Variants in AP1S1 observed in about 807,000 individuals in gnomAD.
AP1S1 encodes AP-1 complex subunit sigma-1A.
A neutral mutation model predicts 23.9 loss-of-function variants in AP1S1; 13 were observed. The ratio of observed to expected loss-of-function variants is 0.54; its 90% CI spans 0.35 to 0.86. AP1S1 has a LOEUF of 0.86. AP1S1 is among the 40% of genes least tolerant of loss of function. AP1S1 has a pLI of 0.01. For synonymous variants in AP1S1, 84 were observed against 77.7 expected (o/e 1.08, Z -0.43); for missense variants, 119 against 197.6 (o/e 0.60, Z 2.38).
intron 1 of AP1S1, 133 bp downstream of exon 1, chr7:101,154,650 C>G: frequency 1.2e-6 from 1 of 850,774 alleles, no homozygotes; most frequent in Non-Finnish European, 1.4e-6. Context: ...CTTGCCTCGG[C>G]GGGTGGGCGA....
At chr7:101,154,673 A>T in intron 1 of AP1S1, 156 bp downstream of exon 1, 3 of 429,434 alleles carry the variant, frequency 7.0e-6, no homozygotes, top group Non-Finnish European at 9.1e-6. Context: ...CGGGCTCGGG[A>T]GGAAGAGGGG....
intron 3 of AP1S1, 25 bp from the exon 4 acceptor site, chr7:101,159,034 A>C (rs767420905): frequency 6.2e-7 from 1 of 1,611,238 alleles, no homozygotes; most frequent in South Asian, 1.1e-5. Flanking sequence ...TCCATGCTCA[A>C]CTTAGCCTCT....
chr7:101,156,926 T>C (rs78112217), intron 2 of AP1S1, among the ~76,000 whole-genome samples, 154 bp downstream of exon 2: 1 of 151,730 alleles, frequency 6.6e-6, no homozygotes, highest in Non-Finnish European at 1.5e-5. Flanking sequence ...TTTTTTTTTT[T>C]TTTCTCCCCA....
In AP1S1 at chr7:101,160,611, CG is replaced by C. The variant is rs1562865715; in HGVS notation, c.*48del. ...TGGCGATGGGGTCCTGGCAGCGTGG[CG>C]GGAACGGCTGCTTCTCCTCTGCCCA... On this transcript the variant is annotated 3_prime_UTR_variant, in exon 5 of 5. Coordinates refer to ENST00000337619, the MANE Select transcript of AP1S1 (RefSeq NM_001283.5). 15 of 1,598,718 alleles carry C rather than the reference CG, an allele frequency of 9.4e-6. No individual in the cohort carries two copies. The highest frequency in any genetic ancestry group is 1.3e-5 in the African/African-American group (1 of 74,580).
In AP1S1 at chr7:101,160,592, T is replaced by G; in HGVS notation, c.*26T>G. ...CCCCTGCTGGGCCGGGGTGTGGCGA[T>G]GGGGTCCTGGCAGCGTGGCGGGAAC... is the stretch of plus-strand genomic sequence containing the variant. On this transcript the variant is annotated 3_prime_UTR_variant, in exon 5 of 5. Transcript: ENST00000337619. 1 of 1,609,360 alleles carries G rather than the reference T, an allele frequency of 6.2e-7. No homozygotes were observed. The highest frequency in any genetic ancestry group is 8.5e-7 in the Non-Finnish European group (1 of 1,179,574).
intron 2 of AP1S1, among the ~76,000 whole-genome samples, chr7:101,157,110 T>C (rs1275429952): frequency 6.6e-6 from 1 of 152,124 alleles, no homozygotes; most frequent in Non-Finnish European, 1.5e-5. Flanking sequence ...CGGTTCCTTC[T>C]CCTCGGAGCA....
intron 1 of AP1S1, 194 bp downstream of exon 1, chr7:101,154,711 A>G (rs938286892): frequency 1.7e-4 from 6 of 34,308 alleles, no homozygotes; most frequent in South Asian, 1.0e-3. Context: ...AGGGGCGGGG[A>G]GGGGGCGCAT....
Position 101,157,416 on chromosome 7 carries a change from A to G in AP1S1, c.222A>G (p.Gln74=), listed in dbSNP as rs1196362621. 1.9e-6 allele frequency: 3 copies of G among 1,582,856 alleles called. No individual in the cohort carries two copies. Among genetic ancestry groups the G allele is most frequent in the African/African-American group, 2.7e-5 (2 of 74,186 alleles). Reference sequence around the variant, plus strand: ...ACTTCTGCTGCGCCATCGAGGGCCAAGACAATGAGCTCATCACACTGGAGC... The same window carrying G: ...ACTTCTGCTGCGCCATCGAGGGCCAGGACAATGAGCTCATCACACTGGAGC... ...SLYFCCAIEG[Q]DNELITLELI... The change falls in exon 3 of 5, where the codon CAA becomes CAG. Residue 74 remains glutamine (Q), a synonymous_variant. Transcript: ENST00000337619.
At chr7:101,157,533 G>T in intron 3 of AP1S1, 48 bp downstream of exon 3, 1 of 1,461,110 alleles carries the variant, frequency 6.8e-7, no homozygotes, top group Non-Finnish European at 9.4e-7. Context: ...ATCCCCTTTG[G>T]TAATCCACCA....
intron 3 of AP1S1, among the ~76,000 whole-genome samples, chr7:101,158,731 A>G (rs1037720852): frequency 1.3e-5 from 2 of 152,060 alleles, no homozygotes; most frequent in Admixed American, 6.6e-5. Flanking sequence ...GCAAGACCCT[A>G]TCTCTACAAA....
At chr7:101,154,726 A>G (rs1464411776) in intron 1 of AP1S1, 4 of 63,630 alleles carry the variant, frequency 6.3e-5, no homozygotes, top group Non-Finnish European at 8.5e-5. Flanking sequence ...GCGCATTTGC[A>G]GGGCGAGCGG....
Position 101,161,169 on chromosome 7 carries a change from T to C in AP1S1, c.*603T>C. 1 of 218,292 alleles carries C rather than the reference T, an allele frequency of 4.6e-6. No homozygotes were observed. The highest frequency in any genetic ancestry group is 1.5e-4 in the East Asian group (1 of 6,626). The allele number at this position is 218,292 out of a possible 1,614,324, so 13.5% of individuals were successfully genotyped here. A position where few individuals can be genotyped will look rare whatever the true frequency, so the allele number is the denominator to read the frequency against. ...GGACCCTGGTCCTGGCCCTGGCCTT[T>C]CACTCCAGTTCTGGGTGAGGCAGGA... is the stretch of plus-strand genomic sequence containing the variant. On this transcript the variant is annotated 3_prime_UTR_variant, in exon 5 of 5. Transcript: ENST00000337619.
At chr7:101,159,455 G>A (rs766129599) in intron 4 of AP1S1, 4 of 489,876 alleles carry the variant, frequency 8.2e-6, no homozygotes, top group Admixed American at 4.0e-5. Context: ...CAGATGTCTC[G>A]TGGCCACCCA....
chr7:101,155,544 C>T (rs1270620039), intron 1 of AP1S1, among the ~76,000 whole-genome samples: 1 of 152,142 alleles, frequency 6.6e-6, no homozygotes. Flanking sequence ...GCAGGAGGCA[C>T]CCTAAAAGGA....
Position 101,160,508 on chromosome 7 carries a change from C to A in AP1S1, c.430-11C>A. 6.2e-7 allele frequency: 1 copy of A among 1,611,026 alleles called. No homozygotes were observed. The highest frequency in any genetic ancestry group is 8.5e-7 in the Non-Finnish European group (1 of 1,179,852). On this transcript the variant is annotated splice_polypyrimidine_tract_variant and intron_variant, in intron 4 of 4. Transcript: ENST00000337619. Reference sequence around the variant, plus strand: ...TGTCTCTGCGTCACCCTCTGTCTGTCTCTGCCTTAGGAGGATGAGTCGCCA... The same window carrying A: ...TGTCTCTGCGTCACCCTCTGTCTGTATCTGCCTTAGGAGGATGAGTCGCCA...
rs78669170 is a variant in AP1S1, at chr7:101,157,833, C to T, written c.291+348C>T. Reference sequence around the variant, plus strand: ...TCACCTGGAGGAATGCCGCCTATGGCTGGAGTGCAGTGGCACAATCGTAGC... The same window carrying T: ...TCACCTGGAGGAATGCCGCCTATGGTTGGAGTGCAGTGGCACAATCGTAGC... On this transcript the variant is annotated intron_variant, in intron 3 of 4. Transcript: ENST00000337619. Among the ~76,000 whole-genome samples, 216 of 152,326 alleles carry T rather than the reference C, an allele frequency of 1.4e-3. 2 individuals are homozygous for T. The East Asian group carries it at 0.034, about 24-fold the overall frequency.
At position 101,156,845 on chromosome 7, in the gene AP1S1, C is replaced by T. The variant is rs985175109; in HGVS notation, c.182+73C>T. On this transcript the variant is annotated intron_variant, in intron 2 of 4. Coordinates refer to ENST00000337619, the MANE Select transcript of AP1S1 (RefSeq NM_001283.5). Reference sequence around the variant, plus strand: ...TGGGTTAAAATGTCTGAGAAATGGTCGTCCTGTAGGTCAGGGAGACCTGGG... The same window carrying T: ...TGGGTTAAAATGTCTGAGAAATGGTTGTCCTGTAGGTCAGGGAGACCTGGG... 7.4e-6 allele frequency: 10 copies of T among 1,358,214 alleles called. No homozygotes were observed. The African/African-American group carries it at 7.4e-5, about 10-fold the overall frequency. The allele number at this position is 1,358,214 out of a possible 1,614,324, so 84.1% of individuals were successfully genotyped here.
Position 101,160,726 on chromosome 7 carries a change from C to A in AP1S1, c.*160C>A, listed in dbSNP as rs1356680607. The A allele has an allele frequency of 1.2e-6, 1 of 823,132 alleles. No homozygotes were observed. The highest frequency in any genetic ancestry group is 2.0e-6 in the Non-Finnish European group (1 of 492,096). 51.0% of individuals were successfully genotyped at this position (823,132 alleles called of 1,614,324 possible). A position where few individuals can be genotyped will look rare whatever the true frequency, so the allele number is the denominator to read the frequency against. On this transcript the variant is annotated 3_prime_UTR_variant, in exon 5 of 5. Transcript: ENST00000337619. ...GTGGGCTCAGGCCCTTCAAACATTCCCTCCCTCCACCCCCTACCTCCACTT... is the reference window on the plus strand; with the variant it reads ...GTGGGCTCAGGCCCTTCAAACATTCACTCCCTCCACCCCCTACCTCCACTT...
chr7:101,154,479 GGCCGAAGTGGGACGC>G lies in AP1S1; in HGVS notation c.-30_-16del, dbSNP rs1796956764. 3 of 1,569,126 alleles carry G rather than the reference GGCCGAAGTGGGACGC, an allele frequency of 1.9e-6. No individual in the cohort carries two copies. The Admixed American group carries it at 5.7e-5, about 30-fold the overall frequency. On this transcript the variant is annotated 5_prime_UTR_variant, in exon 1 of 5. Transcript: ENST00000337619. ...AGGGAGTGGGACTGGCGCCTACGGTGGCCGAAGTGGGACGCGCCGAGCCGGAGGCTGCAGGATGGT... is the reference window on the plus strand; with the variant it reads ...AGGGAGTGGGACTGGCGCCTACGGTGGCCGAGCCGGAGGCTGCAGGATGGT...
Sources: allele counts gnomAD v4.1 joint callset (sites outside exome capture counted in the v4.1 genomes callset), GRCh38; gene constraint gnomAD v4.1.1; transcripts MANE v1.5; gene names NCBI Gene and HGNC (gene_info 2026-07-23, HGNC 2026-07-21).